PTPRD: variants seen among roughly 807,000 people sequenced by gnomAD.
The protein encoded by PTPRD is receptor-type tyrosine-protein phosphatase delta.
A neutral mutation model predicts 214.5 loss-of-function variants in PTPRD; 34 were observed. The ratio of observed to expected loss-of-function variants is 0.16; its 90% CI spans 0.12 to 0.21. PTPRD has a LOEUF of 0.21. Ranked by LOEUF, PTPRD falls within the 10% of genes least tolerant of loss-of-function variation. PTPRD has a pLI of 1.00. For synonymous variants in PTPRD, 1,128 were observed against 845.7 expected (o/e 1.33, Z -5.79); for missense variants, 2,545 against 2,398.7 (o/e 1.06, Z -1.27).
intron 10 of PTPRD, among the ~76,000 whole-genome samples, chr9:9,149,517 C>T (rs1297449084): frequency 2.0e-5 from 3 of 152,072 alleles, no homozygotes; most frequent in Admixed American, 6.6e-5. Flanking sequence ...ATTTTAGCAA[C>T]GCATGCATGG....
At chr9:10,395,103 TTA>T (rs1331079911) in intron 2 of PTPRD, among the ~76,000 whole-genome samples, 2 of 150,750 alleles carry the variant, frequency 1.3e-5, no homozygotes, top group East Asian at 2.0e-4. Flanking sequence ...TTTCTTTTTA[TTA>T]TTATTATTAT....
chr9:9,612,952 C>T (rs994771565), intron 7 of PTPRD, among the ~76,000 whole-genome samples: 7 of 151,454 alleles, frequency 4.6e-5, no homozygotes, highest in Non-Finnish European at 1.0e-4. Context: ...TAAAATCACA[C>T]TTCTGTAGAC....
chr9:9,697,776 C>A (rs2097408640), intron 7 of PTPRD, among the ~76,000 whole-genome samples: 1 of 152,134 alleles, frequency 6.6e-6, no homozygotes, highest in Admixed American at 6.6e-5. Context: ...TGCTCAACTT[C>A]CTCGAACACA....
intron 38 of PTPRD, among the ~76,000 whole-genome samples, 191 bp from the exon 39 acceptor site, chr9:8,376,281 A>C (rs2134869950): frequency 6.6e-6 from 1 of 152,224 alleles, no homozygotes; most frequent in Non-Finnish European, 1.5e-5. Flanking sequence ...TTGCGCAGGA[A>C]GACAAAATTC....
chr9:9,827,022 G>T (rs545296272), intron 5 of PTPRD, among the ~76,000 whole-genome samples: 4 of 152,130 alleles, frequency 2.6e-5, no homozygotes, highest in African/African-American at 7.2e-5. Context: ...ACAAATGGAA[G>T]AACATTCCAT....
intron 3 of PTPRD, among the ~76,000 whole-genome samples, chr9:10,115,304 C>T (rs1389848189): frequency 6.6e-6 from 1 of 151,920 alleles, no homozygotes; most frequent in Non-Finnish European, 1.5e-5. Flanking sequence ...AAGTATGATA[C>T]ATATTTATTG....
intron 7 of PTPRD, among the ~76,000 whole-genome samples, chr9:9,602,232 T>C (rs915857910): frequency 6.6e-6 from 1 of 152,080 alleles, no homozygotes; most frequent in African/African-American, 2.4e-5. Flanking sequence ...ATATTTACTT[T>C]CAGTCTGAAA....
intron 7 of PTPRD, among the ~76,000 whole-genome samples, chr9:9,603,606 C>T (rs557934834): frequency 6.9e-4 from 105 of 152,190 alleles, no homozygotes; most frequent in Non-Finnish European, 1.1e-3. Flanking sequence ...TGTATAGGAG[C>T]TCAAACCCTA....
intron 3 of PTPRD, among the ~76,000 whole-genome samples, chr9:10,164,928 C>A (rs2099150211): frequency 1.3e-5 from 2 of 150,352 alleles, no homozygotes; most frequent in Non-Finnish European, 1.5e-5. Context: ...ACATCTGATT[C>A]ATCTGAACTT....
intron 14 of PTPRD, among the ~76,000 whole-genome samples, chr9:8,558,675 T>TA (rs149641059): frequency 1.1e-3 from 168 of 152,322 alleles, no homozygotes; most frequent in African/African-American, 3.9e-3. Context: ...CGTTATCTAA[T>TA]AAAAAATGTC....
In PTPRD at chr9:9,453,020, AT is replaced by A. The variant is rs34378799; in HGVS notation, c.-236-55539del. On this transcript the variant is annotated intron_variant, in intron 8 of 45. Coordinates refer to ENST00000381196, the MANE Select transcript of PTPRD (RefSeq NM_002839.4). ...GTGACATTTAACTGAAGCCTATTTT[AT>A]TTTTTTTTTTTGCTCCATATACATA... Among the ~76,000 whole-genome samples the A allele has an allele frequency of 7.3e-4, 106 of 144,964 alleles. 1 individual carries two copies. The highest frequency in any genetic ancestry group is 2.1e-3 in the African/African-American group (82 of 38,608).
chr9:9,487,730 A>T (rs986094419), intron 8 of PTPRD, among the ~76,000 whole-genome samples: 3 of 152,156 alleles, frequency 2.0e-5, no homozygotes, highest in African/African-American at 7.2e-5. Context: ...ATGTTCCTCA[A>T]CTGCTCTTGA....
intron 8 of PTPRD, among the ~76,000 whole-genome samples, chr9:9,410,254 C>T (rs1043826381): frequency 2.0e-5 from 3 of 152,166 alleles, no homozygotes; most frequent in African/African-American, 7.2e-5. Context: ...AAATTCAGTA[C>T]ACAGCTTTGC....
chr9:10,460,230 T>A lies in PTPRD; in HGVS notation c.-599-119213A>T, dbSNP rs528867911. On this transcript the variant is annotated intron_variant, in intron 2 of 45. Coordinates refer to ENST00000381196, the MANE Select transcript of PTPRD (RefSeq NM_002839.4). ...GAAAATACAGATAAAAAAAATTAAA[T>A]AGGACACAAATAAGTGAAAAGCTAT... Among the ~76,000 whole-genome samples the A allele has an allele frequency of 2.0e-4, 31 of 152,062 alleles. 2 individuals are homozygous for A. In the South Asian group the frequency reaches 6.0e-3, roughly 29 times the overall value.
chr9:9,150,890 G>C, intron 10 of PTPRD, among the ~76,000 whole-genome samples: 1 of 152,132 alleles, frequency 6.6e-6, no homozygotes, highest in East Asian at 1.9e-4. Context: ...CCTTGGGGCG[G>C]CCTGTTGATG....
At chr9:10,564,210 TCC>T (rs1177573577) in intron 2 of PTPRD, among the ~76,000 whole-genome samples, 1 of 110,500 alleles carries the variant, frequency 9.0e-6, no homozygotes, top group African/African-American at 3.4e-5. Flanking sequence ...CATAGGGGTT[TCC>T]CTGTTCTGCC....
rs185447921 is a variant in PTPRD, at chr9:9,380,869, T to C, written c.-203+16580A>G. Among the ~76,000 whole-genome samples the C allele has an allele frequency of 3.4e-3, 512 of 152,312 alleles. 7 individuals are homozygous for C. The highest frequency in any genetic ancestry group is 0.012 in the African/African-American group (483 of 41,576). The stretch of plus-strand genomic sequence containing the variant: ...TATTAATAGTTTAACACTCTATTTT[T>C]AGGTGTATATATGTTAATAATTGTT... On this transcript the variant is annotated intron_variant, in intron 9 of 45. Coordinates refer to ENST00000381196, the MANE Select transcript of PTPRD (RefSeq NM_002839.4).
chr9:9,861,334 A>T (rs1344426448), intron 5 of PTPRD, among the ~76,000 whole-genome samples: 1 of 152,102 alleles, frequency 6.6e-6, no homozygotes, highest in Non-Finnish European at 1.5e-5. Context: ...TCTGTCTCCC[A>T]GGCTGGAGTG....
chr9:9,268,747 C>A (rs1442495608), intron 9 of PTPRD, among the ~76,000 whole-genome samples: 13 of 148,620 alleles, frequency 8.7e-5, no homozygotes, highest in South Asian at 8.4e-4. Flanking sequence ...GCCAAGAATA[C>A]ACAATGGAGA....
Sources: gnomAD v4.1 joint callset for allele counts (sites outside exome capture counted in the v4.1 genomes callset) on GRCh38, gnomAD v4.1.1 for gene constraint, MANE v1.5 for transcripts, NCBI Gene and HGNC (gene_info 2026-07-23, HGNC 2026-07-21) for gene names.